PRKAG2: variants seen among roughly 807,000 people sequenced by gnomAD.
The protein encoded by PRKAG2 is protein kinase AMP-activated non-catalytic subunit gamma 2.
In PRKAG2, 26 loss-of-function variants were observed where a neutral mutation model predicts 69.6. That is an observed-to-expected ratio of 0.37 (90% confidence interval 0.27 to 0.52). The LOEUF (loss-of-function observed/expected upper bound fraction) is 0.52, where lower values mean the gene tolerates loss of function less well. Among genes scored for constraint, PRKAG2 ranks in the 20% least tolerant of loss-of-function variants. The probability of loss-of-function intolerance (pLI) is 0.90; values close to 1 mark genes in which losing one functional copy is unlikely to be tolerated. For missense variants in PRKAG2, 557 were observed against 740.0 expected, an observed-to-expected ratio of 0.75 and a Z score of 2.87; for synonymous variants, 293 against 285.0, an observed-to-expected ratio of 1.03 and a Z score of -0.28.
chr7:151,727,589 C>T (rs1210794017), intron 3 of PRKAG2, among the ~76,000 whole-genome samples: 7 of 152,218 alleles, frequency 4.6e-5, no homozygotes, highest in Non-Finnish European at 1.5e-5. Flanking sequence ...GTGCTGCCAA[C>T]TGGACATCCC....
At chr7:151,596,908 C>T (rs981785820) in intron 5 of PRKAG2, among the ~76,000 whole-genome samples, 13 of 151,278 alleles carry the variant, frequency 8.6e-5, no homozygotes, top group Non-Finnish European at 1.6e-4. Flanking sequence ...ACCAATTCTT[C>T]GCAGGACAAG....
intron 5 of PRKAG2, among the ~76,000 whole-genome samples, chr7:151,599,545 C>A (rs1210837093): frequency 1.3e-5 from 2 of 152,150 alleles, no homozygotes; most frequent in East Asian, 3.9e-4. Flanking sequence ...TTGTGGAAGA[C>A]AATTTTTCCA....
Position 151,777,696 on chromosome 7 carries a change from G to A in PRKAG2, c.466+3456C>T, listed in dbSNP as rs928774705. 1.3e-5 allele frequency among the ~76,000 whole-genome samples: 2 copies of A among 152,226 alleles called. No homozygotes were observed. Among genetic ancestry groups the A allele is most frequent in the Non-Finnish European group, 1.5e-5 (1 of 68,036 alleles). On this transcript the variant is annotated intron_variant, in intron 3 of 15. Coordinates refer to ENST00000287878, the MANE Select transcript of PRKAG2 (RefSeq NM_016203.4). This position sits in a 1 kb window ranked among gnomAD's most constrained non-coding sequence, Gnocchi z 4.3. ...TGCATCCAGCCTCACAGGCTGGCTG[G>A]CTTTGCTCATTACCTGGGCGGAGGC... is the stretch of plus-strand genomic sequence containing the variant.
chr7:151,788,930 G>A lies in PRKAG2; in HGVS notation c.115-2389C>T, dbSNP rs750401333. Among the ~76,000 whole-genome samples, 3 of 152,118 alleles carry A rather than the reference G, an allele frequency of 2.0e-5. No homozygotes were observed. Among genetic ancestry groups the A allele is most frequent in the Non-Finnish European group, 4.4e-5 (3 of 68,036 alleles). ...GTCCTTTCCCAGTTGAATAGTCTTG[G>A]CATGACTGTGGAACGTCATTTGACT... On this transcript the variant is annotated intron_variant, in intron 1 of 15. Coordinates refer to ENST00000287878, the MANE Select transcript of PRKAG2 (RefSeq NM_016203.4). This position sits in a 1 kb window ranked among gnomAD's most constrained non-coding sequence, Gnocchi z 4.6.
At chr7:151,570,045 C>A in intron 10 of PRKAG2, 126 bp downstream of exon 10, 1 of 1,122,462 alleles carries the variant, frequency 8.9e-7, no homozygotes, top group Non-Finnish European at 1.3e-6. Context: ...TACAGTGTAG[C>A]TGGAATTAAG....
At chr7:151,797,843 T>A (rs1344706792) in intron 1 of PRKAG2, among the ~76,000 whole-genome samples, 1 of 152,212 alleles carries the variant, frequency 6.6e-6, no homozygotes, top group Non-Finnish European at 1.5e-5. Flanking sequence ...TGGCCACGGC[T>A]CTTCACACTG....
Position 151,637,237 on chromosome 7 carries a change from A to G in PRKAG2, c.685-5099T>C, listed in dbSNP as rs146299971. 4.1e-3 allele frequency among the ~76,000 whole-genome samples: 626 copies of G among 152,348 alleles called. 5 individuals are homozygous for G. Among genetic ancestry groups the G allele is most frequent in the Middle Eastern group, 0.031 (9 of 294 alleles). On this transcript the variant is annotated intron_variant, in intron 4 of 15. Coordinates refer to ENST00000287878, the MANE Select transcript of PRKAG2 (RefSeq NM_016203.4). ...CAAAATAAAAAGTTTAATTTTTAAA[A>G]AAAGTTTTTTAAAAAAACTTGGAGT...
chr7:151,773,862 C>T (rs1252258702), intron 3 of PRKAG2, among the ~76,000 whole-genome samples: 1 of 152,174 alleles, frequency 6.6e-6, no homozygotes, highest in Non-Finnish European at 1.5e-5. Flanking sequence ...CAAGGTCAGC[C>T]AGGTAAACAT....
At chr7:151,687,416 C>T (rs926345937) in intron 3 of PRKAG2, among the ~76,000 whole-genome samples, 3 of 152,144 alleles carry the variant, frequency 2.0e-5, no homozygotes, top group Non-Finnish European at 4.4e-5. Context: ...ACAATGGTTT[C>T]GGAAAAACAA....
chr7:151,563,871 CATTCA>C (rs1563140460), intron 14 of PRKAG2, among the ~76,000 whole-genome samples: 1 of 152,210 alleles, frequency 6.6e-6, no homozygotes, highest in Non-Finnish European at 1.5e-5. Flanking sequence ...AGGACTTTTC[CATTCA>C]ATTCAATTCA....
At chr7:151,755,852 T>C (rs1345070487) in intron 3 of PRKAG2, among the ~76,000 whole-genome samples, 6 of 152,166 alleles carry the variant, frequency 3.9e-5, no homozygotes, top group African/African-American at 1.4e-4. Flanking sequence ...GCCTTCCCAG[T>C]TTCACCCCGG....
At chr7:151,709,029 GGTGACACT>G (rs1435868430) in intron 3 of PRKAG2, among the ~76,000 whole-genome samples, 2 of 152,126 alleles carry the variant, frequency 1.3e-5, no homozygotes, top group Non-Finnish European at 2.9e-5. Context: ...GATGGGCGAT[GGTGACACT>G]GTGACACTGT....
intron 6 of PRKAG2, among the ~76,000 whole-genome samples, chr7:151,584,828 T>C (rs953213574): frequency 3.9e-5 from 6 of 152,156 alleles, no homozygotes; most frequent in African/African-American, 1.4e-4. Flanking sequence ...GCCCAGGAAC[T>C]GGGGGCTGCA....
chr7:151,589,228 TAC>T (rs1425222458), intron 6 of PRKAG2, among the ~76,000 whole-genome samples: 2 of 152,186 alleles, frequency 1.3e-5, no homozygotes, highest in Non-Finnish European at 2.9e-5. Flanking sequence ...AGCGGCTGAA[TAC>T]AGTTTGTTGT....
chr7:151,830,012 A>C (rs1453811298), intron 1 of PRKAG2, among the ~76,000 whole-genome samples: 1 of 151,810 alleles, frequency 6.6e-6, no homozygotes, highest in Non-Finnish European at 1.5e-5. Flanking sequence ...CCTGGACAGA[A>C]CCACACTTTC....
chr7:151,800,132 C>T (rs1009196331), intron 1 of PRKAG2, among the ~76,000 whole-genome samples: 5 of 151,714 alleles, frequency 3.3e-5, no homozygotes, highest in African/African-American at 4.8e-5. Flanking sequence ...CCGAGGTGGG[C>T]GGATCATGAG....
chr7:151,557,155 A>G lies in PRKAG2; in HGVS notation c.*46T>C. 6.2e-7 allele frequency: 1 copy of G among 1,614,106 alleles called. No individual in the cohort carries two copies. On this transcript the variant is annotated 3_prime_UTR_variant, in exon 16 of 16. Transcript: ENST00000287878. ...GTTCATGAGGCAAAACGTGACCCAG[A>G]GACTTTGTTCAAGTTCTCCTCCTAG...
In PRKAG2 at chr7:151,842,487, TGGTA is replaced by T. The variant is rs1477941076; in HGVS notation, c.114+34016_114+34019del. 8.8e-3 allele frequency among the ~76,000 whole-genome samples: 1,302 copies of T among 147,426 alleles called. 42 individuals are homozygous for T. Among genetic ancestry groups the T allele is most frequent in the African/African-American group, 0.032 (1,231 of 38,124 alleles). On this transcript the variant is annotated intron_variant, in intron 1 of 15. Coordinates refer to ENST00000287878, the MANE Select transcript of PRKAG2 (RefSeq NM_016203.4). Reference sequence around the variant, plus strand: ...TGGTAGGTAGTGATGATGGTAGCGATGGTAGGTAGGGATGGTAGGGATGGTAGTG... The same window carrying T: ...TGGTAGGTAGTGATGATGGTAGCGATGGTAGGGATGGTAGGGATGGTAGTG...
intron 1 of PRKAG2, among the ~76,000 whole-genome samples, chr7:151,813,140 C>G (rs2078508098): frequency 6.6e-6 from 1 of 152,130 alleles, no homozygotes; most frequent in African/African-American, 2.4e-5. Flanking sequence ...GAGCTTCCCC[C>G]TCTCACTTAC....
Sources: gnomAD v4.1 joint callset for allele counts (sites outside exome capture counted in the v4.1 genomes callset) on GRCh38, gnomAD v4.1.1 for gene constraint, Gnocchi (gnomAD v3.1) non-coding constraint, MANE v1.5 for transcripts, NCBI Gene and HGNC (gene_info 2026-07-23, HGNC 2026-07-21) for gene names.